ACTN2: variants seen among roughly 807,000 people sequenced by gnomAD.
The protein encoded by ACTN2 is actinin alpha 2.
In ACTN2, 39 loss-of-function variants were observed where a neutral mutation model predicts 113.8. The ratio of observed to expected loss-of-function variants is 0.34; its 90% CI spans 0.27 to 0.45. The LOEUF (loss-of-function observed/expected upper bound fraction) is 0.45. Ranked by LOEUF, ACTN2 falls within the 20% of genes least tolerant of loss-of-function variation. The pLI, the probability that ACTN2 is intolerant of heterozygous loss-of-function variation, is 1.00. For missense variants in ACTN2, 992 were observed against 1,177.9 expected, an observed-to-expected ratio of 0.84 and a Z score of 2.31; for synonymous variants, 429 against 444.1, an observed-to-expected ratio of 0.97 and a Z score of 0.43.
chr1:236,709,255 T>TATATATATAC (rs796606511), intron 1 of ACTN2, among the ~76,000 whole-genome samples: 17 of 68,904 alleles, frequency 2.5e-4, no homozygotes, highest in South Asian at 1.0e-3. Context: ...TATATATATA[T>TATATATATAC]ACACACACAC....
At chr1:236,704,873 A>G (rs1657780372) in intron 1 of ACTN2, among the ~76,000 whole-genome samples, 1 of 152,184 alleles carries the variant, frequency 6.6e-6, no homozygotes, top group Non-Finnish European at 1.5e-5. Flanking sequence ...GTGATCTAAT[A>G]CTAATAGGCT....
chr1:236,731,134 G>A (rs1572125001), intron 6 of ACTN2, 99 bp from the exon 7 acceptor site: 2 of 840,344 alleles, frequency 2.4e-6, no homozygotes, highest in East Asian at 5.0e-5. Flanking sequence ...GTGTGGGTGG[G>A]AAGGTGTCCG....
chr1:236,747,546 T>C, intron 12 of ACTN2, 121 bp from the exon 13 acceptor site: 1 of 849,018 alleles, frequency 1.2e-6, no homozygotes, highest in East Asian at 2.7e-5. Context: ...TCTATGTCCA[T>C]GTGGATACAT....
At chr1:236,716,194 C>T (rs1380054077) in intron 1 of ACTN2, among the ~76,000 whole-genome samples, 1 of 151,446 alleles carries the variant, frequency 6.6e-6, no homozygotes, top group Non-Finnish European at 1.5e-5. Flanking sequence ...TCTTTATCAC[C>T]CAGGAAAATC....
chr1:236,762,130 C>A (rs573579195), intron 20 of ACTN2, among the ~76,000 whole-genome samples: 1 of 151,884 alleles, frequency 6.6e-6, no homozygotes. Context: ...TCCCACTGAA[C>A]TTTTTTTTTA....
chr1:236,691,938 G>A (rs181637491), intron 1 of ACTN2, among the ~76,000 whole-genome samples: 21 of 152,332 alleles, frequency 1.4e-4, no homozygotes, highest in Admixed American at 1.3e-3. Flanking sequence ...CACGAAAAAG[G>A]GCCAGGTTAT....
intron 1 of ACTN2, among the ~76,000 whole-genome samples, chr1:236,704,834 G>A (rs112280527): frequency 1.7e-3 from 254 of 152,294 alleles, no homozygotes; most frequent in Non-Finnish European, 3.1e-3. Context: ...TTGGAGAACC[G>A]TGGGGAAATG....
chr1:236,729,151 C>T (rs1658646175), intron 6 of ACTN2, among the ~76,000 whole-genome samples: 1 of 151,868 alleles, frequency 6.6e-6, no homozygotes, highest in South Asian at 2.1e-4. Context: ...CAGGTGAAAC[C>T]CTGCCTCTTC....
intron 1 of ACTN2, among the ~76,000 whole-genome samples, chr1:236,692,587 TG>T (rs2102858804): frequency 6.6e-6 from 1 of 152,288 alleles, no homozygotes; most frequent in Admixed American, 6.5e-5. Context: ...GGGTCTTGTG[TG>T]GGCACTAAGA....
chr1:236,695,563 T>TACCC (rs1553296741), intron 1 of ACTN2, among the ~76,000 whole-genome samples: 2 of 100,796 alleles, frequency 2.0e-5, no homozygotes, highest in African/African-American at 4.1e-5. Context: ...TGAAATGAGT[T>TACCC]CCCCCCCCCT....
chr1:236,733,315 C>T (rs901430553), intron 7 of ACTN2, among the ~76,000 whole-genome samples: 3 of 152,212 alleles, frequency 2.0e-5, no homozygotes, highest in Non-Finnish European at 4.4e-5. Context: ...TTCCTATTCA[C>T]TCACGTAGAA....
At chr1:236,740,106 A>G (rs975668405) in intron 10 of ACTN2, among the ~76,000 whole-genome samples, 13 of 147,456 alleles carry the variant, frequency 8.8e-5, no homozygotes, top group Non-Finnish European at 1.5e-4. Flanking sequence ...CTCCCTCCCC[A>G]CTCACTCACT....
Position 236,763,812 on chromosome 1 carries a change from T to C in ACTN2, c.*1193T>C, listed in dbSNP as rs1255332361. On this transcript the variant is annotated 3_prime_UTR_variant, in exon 21 of 21. Transcript: ENST00000366578. The stretch of plus-strand genomic sequence containing the variant: ...CTGCTCCATGACACAGGATGCTACA[T>C]GCACTCCTGCTAGCACATCTTGATC... 1.3e-5 allele frequency: 2 copies of C among 152,264 alleles called. No homozygotes were observed. The highest frequency in any genetic ancestry group is 2.9e-5 in the Non-Finnish European group (2 of 68,058). The allele number at this position is 152,264 out of a possible 1,614,324, so 9.4% of individuals were successfully genotyped here.
rs1289702996 is a variant in ACTN2 at position 236,764,462 on chromosome 1, G to A, written c.*1843G>A. 1 of 151,988 alleles carries A rather than the reference G, an allele frequency of 6.6e-6. No individual in the cohort carries two copies. The highest frequency in any genetic ancestry group is 1.9e-4 in the East Asian group (1 of 5,190). 9.4% of individuals were successfully genotyped at this position (151,988 alleles called of 1,614,324 possible). ...TCTTTACAACATTCAGCAAGAGAGG[G>A]GGTCAGTAGTCTCTATCTGCTAATA... On this transcript the variant is annotated 3_prime_UTR_variant, in exon 21 of 21. Transcript: ENST00000366578.
chr1:236,738,802 C>T (rs1165133261), intron 9 of ACTN2, among the ~76,000 whole-genome samples: 1 of 152,168 alleles, frequency 6.6e-6, no homozygotes, highest in Non-Finnish European at 1.5e-5. Context: ...TCAAAATACA[C>T]TTTGGCATTG....
chr1:236,728,770 T>G (rs1431008965), intron 6 of ACTN2, among the ~76,000 whole-genome samples: 1 of 152,134 alleles, frequency 6.6e-6, no homozygotes. Flanking sequence ...GGCTCACACC[T>G]GTAGTCCCAG....
At chr1:236,728,293 G>A (rs1385848006) in intron 6 of ACTN2, among the ~76,000 whole-genome samples, 3 of 152,042 alleles carry the variant, frequency 2.0e-5, no homozygotes, top group South Asian at 2.1e-4. Flanking sequence ...ACAGGCATCC[G>A]CCACCACGCC....
intron 1 of ACTN2, among the ~76,000 whole-genome samples, chr1:236,713,218 T>G (rs1658094485): frequency 7.3e-6 from 1 of 137,202 alleles, no homozygotes; most frequent in Non-Finnish European, 1.6e-5. Flanking sequence ...TATATATTGT[T>G]CTTTTTTCTT....
At chr1:236,700,090 C>T (rs1368847427) in intron 1 of ACTN2, among the ~76,000 whole-genome samples, 3 of 152,196 alleles carry the variant, frequency 2.0e-5, no homozygotes, top group African/African-American at 7.2e-5. Context: ...ATTTTTCATG[C>T]ACTTACTGTC....
Sources: gnomAD v4.1 joint callset for allele counts (sites outside exome capture counted in the v4.1 genomes callset) on GRCh38, gnomAD v4.1.1 for gene constraint, MANE v1.5 for transcripts, NCBI Gene and HGNC (gene_info 2026-07-23, HGNC 2026-07-21) for gene names.